The following DLG2 variants were observed in gnomAD, a reference collection of about 807,000 sequenced individuals.
DLG2 encodes discs large MAGUK scaffold protein 2, also known as disks large homolog 2.
DLG2 carries 45 observed loss-of-function variants against 132.5 expected under a neutral mutation model. The observed-to-expected ratio is 0.34, with a 90% CI of 0.27 to 0.44. DLG2 has a LOEUF of 0.44. Among genes scored for constraint, DLG2 ranks in the 20% least tolerant of loss-of-function variants. DLG2 has a pLI of 1.00. For synonymous variants in DLG2, 424 were observed against 419.6 expected, an observed-to-expected ratio of 1.01 and a Z score of -0.13; for missense variants, 1,045 against 1,196.9, an observed-to-expected ratio of 0.87 and a Z score of 1.87.
chr11:84,350,291 C>T (rs1170289128), intron 7 of DLG2, among the ~76,000 whole-genome samples: 1 of 151,822 alleles, frequency 6.6e-6, no homozygotes, highest in Non-Finnish European at 1.5e-5. Flanking sequence ...TCATGAACCT[C>T]TTGAAATTAC....
rs1177719976 is a variant in DLG2, at chr11:85,098,719, A to G, written c.357+12942T>C. Among the ~76,000 whole-genome samples, 4 of 152,218 alleles carry G rather than the reference A, an allele frequency of 2.6e-5. 1 individual carries two copies. The highest frequency in any genetic ancestry group is 5.9e-5 in the Non-Finnish European group (4 of 68,044). The stretch of plus-strand genomic sequence containing the variant: ...TTTGCTTCTACAAAATGTAAATTGA[A>G]ATAGCCTTCAAGATCAATTATCATG... On this transcript the variant is annotated intron_variant, in intron 6 of 27. Transcript: ENST00000376104.
chr11:84,628,658 C>A (rs993777721), intron 6 of DLG2, among the ~76,000 whole-genome samples: 2 of 152,172 alleles, frequency 1.3e-5, no homozygotes, highest in Admixed American at 1.3e-4. Context: ...TTTCTTGAAA[C>A]TTGCATGAAT....
At chr11:83,979,252 C>A (rs1191264351) in intron 12 of DLG2, among the ~76,000 whole-genome samples, 1 of 152,080 alleles carries the variant, frequency 6.6e-6, no homozygotes, top group African/African-American at 2.4e-5. Context: ...GGAGGTTCAA[C>A]CTCCAAAACT....
At chr11:85,278,313 T>C (rs1436370080) in intron 4 of DLG2, among the ~76,000 whole-genome samples, 1 of 152,182 alleles carries the variant, frequency 6.6e-6, no homozygotes, top group East Asian at 1.9e-4. Flanking sequence ...AATGAATCAA[T>C]AAAATATCTA....
chr11:84,412,558 A>C (rs1185981308), intron 7 of DLG2, among the ~76,000 whole-genome samples: 2 of 152,198 alleles, frequency 1.3e-5, no homozygotes, highest in African/African-American at 4.8e-5. Flanking sequence ...TAATACAACT[A>C]CTAAGTGACA....
At chr11:84,955,906 C>T (rs1225347703) in intron 6 of DLG2, among the ~76,000 whole-genome samples, 1 of 152,080 alleles carries the variant, frequency 6.6e-6, no homozygotes, top group African/African-American at 2.4e-5. Context: ...TATTATTTGA[C>T]CTTTGTGGAA....
intron 4 of DLG2, among the ~76,000 whole-genome samples, chr11:85,264,019 TG>T (rs1017435121): frequency 1.1e-4 from 17 of 152,208 alleles, no homozygotes; most frequent in East Asian, 3.9e-4. Flanking sequence ...GAGTGGCCTG[TG>T]TAGATAAGGT....
rs150886157 is a variant in DLG2, at chr11:83,653,847, C to T, written c.1826-20522G>A. ...AAGAGATTCTCCTGTGCCAGCCTCC[C>T]GAGTAGCTGGTATTACAGGCATGCA... On this transcript the variant is annotated intron_variant, in intron 18 of 27. Coordinates refer to ENST00000376104, the MANE Select transcript of DLG2 (RefSeq NM_001142699.3). Among the ~76,000 whole-genome samples the T allele has an allele frequency of 8.3e-3, 1,260 of 152,078 alleles. 10 individuals carry two copies. Among genetic ancestry groups the T allele is most frequent in the African/African-American group, 0.025 (1,017 of 41,488 alleles).
chr11:84,739,761 A>G (rs933498350), intron 6 of DLG2, among the ~76,000 whole-genome samples: 3 of 152,204 alleles, frequency 2.0e-5, no homozygotes, highest in Non-Finnish European at 2.9e-5. Flanking sequence ...GGATGTAGCC[A>G]TTTTACATAA....
At chr11:85,517,471 T>C (rs1169774877) in intron 3 of DLG2, among the ~76,000 whole-genome samples, 5 of 151,926 alleles carry the variant, frequency 3.3e-5, no homozygotes, top group African/African-American at 9.7e-5. Context: ...GCATCCAAAT[T>C]GAAAAAGAGG....
chr11:83,813,949 T>C (rs1418794405), intron 17 of DLG2, among the ~76,000 whole-genome samples: 1 of 152,162 alleles, frequency 6.6e-6, no homozygotes, highest in African/African-American at 2.4e-5. Flanking sequence ...TTAAATAAAT[T>C]GCCGAAATTC....
intron 10 of DLG2, among the ~76,000 whole-genome samples, chr11:84,092,031 C>T (rs747414063): frequency 1.3e-5 from 2 of 152,168 alleles, no homozygotes; most frequent in African/African-American, 4.8e-5. Context: ...TTAAAAGTCT[C>T]ATTACATGGG....
At chr11:83,684,363 G>T (rs2079358825) in intron 18 of DLG2, 1 of 152,172 alleles carries the variant, frequency 6.6e-6, no homozygotes, top group Non-Finnish European at 1.5e-5. Flanking sequence ...TTAGACATGA[G>T]AGATTTTCTT....
intron 3 of DLG2, among the ~76,000 whole-genome samples, chr11:85,477,924 C>T (rs2093189894): frequency 1.3e-5 from 2 of 152,064 alleles, no homozygotes; most frequent in African/African-American, 4.8e-5. Context: ...GTTCTTAGCA[C>T]ACATTAAGAC....
At chr11:84,447,052 G>T (rs1027535585) in intron 7 of DLG2, among the ~76,000 whole-genome samples, 2 of 152,164 alleles carry the variant, frequency 1.3e-5, no homozygotes, top group African/African-American at 4.8e-5. Context: ...AAGATTTATT[G>T]TTAAGTGTTT....
intron 7 of DLG2, among the ~76,000 whole-genome samples, chr11:84,358,210 G>C (rs1022661811): frequency 6.6e-6 from 1 of 151,862 alleles, no homozygotes; most frequent in African/African-American, 2.4e-5. Flanking sequence ...TATGTCCTTT[G>C]CAGTGGCCTT....
At chr11:84,999,123 G>A (rs1447399447) in intron 6 of DLG2, among the ~76,000 whole-genome samples, 1 of 151,976 alleles carries the variant, frequency 6.6e-6, no homozygotes, top group Non-Finnish European at 1.5e-5. Context: ...GATTGGCTCA[G>A]ATTATATCTG....
In DLG2 at chr11:84,373,249, C is replaced by CAAAAAAAAAAACAA. The variant is rs1459550146; in HGVS notation, c.520-121959_520-121958insTTGTTTTTTTTTTT. Among the ~76,000 whole-genome samples, 9 of 41,666 alleles carry CAAAAAAAAAAACAA rather than the reference C, an allele frequency of 2.2e-4. 1 individual carries two copies. The highest frequency in any genetic ancestry group is 1.2e-3 in the African/African-American group (9 of 7,530). The allele number at this position is 41,666 out of a possible 152,430, so 27.3% of individuals were successfully genotyped here. ...TTGTTTTTTCCAATTAAGAAACAGT[C>CAAAAAAAAAAACAA]AAAAAAAAAAAAAAACAAAACAAAA... On this transcript the variant is annotated intron_variant, in intron 7 of 27. Coordinates refer to ENST00000376104, the MANE Select transcript of DLG2 (RefSeq NM_001142699.3).
At chr11:84,895,587 T>G (rs928493215) in intron 6 of DLG2, among the ~76,000 whole-genome samples, 1 of 152,164 alleles carries the variant, frequency 6.6e-6, no homozygotes, top group African/African-American at 2.4e-5. Flanking sequence ...TAAAGTAATT[T>G]TGGGGGCAGT....
Sources: gnomAD v4.1 joint callset for allele counts (sites outside exome capture counted in the v4.1 genomes callset) on GRCh38, gnomAD v4.1.1 for gene constraint, MANE v1.5 for transcripts, NCBI Gene and HGNC (gene_info 2026-07-23, HGNC 2026-07-21) for gene names.